KMT2B: variants seen among roughly 807,000 people sequenced by gnomAD.
The protein encoded by KMT2B is histone-lysine N-methyltransferase 2B.
Under a neutral mutation model 255.3 loss-of-function variants are expected in KMT2B, and 22 were observed. The ratio of observed to expected loss-of-function variants is 0.09; its 90% CI spans 0.06 to 0.12. The LOEUF is 0.12. Ranked by LOEUF, KMT2B falls within the 10% of genes least tolerant of loss-of-function variation. The pLI, the probability that KMT2B is intolerant of heterozygous loss-of-function variation, is 1.00. For synonymous variants in KMT2B, 1,730 were observed against 1,498.1 expected, an observed-to-expected ratio of 1.15 and a Z score of -3.57; for missense variants, 3,149 against 3,737.0, an observed-to-expected ratio of 0.84 and a Z score of 4.10.
At chr19:35,721,940 C>A in intron 3 of KMT2B, 136 bp downstream of exon 3, 1 of 1,222,018 alleles carries the variant, frequency 8.2e-7, no homozygotes, top group Non-Finnish European at 1.1e-6. Context: ...TGTGATCCCC[C>A]ACCTTCCTTT....
chr19:35,722,034 G>A (rs1045193822), intron 3 of KMT2B, among the ~76,000 whole-genome samples: 29 of 145,056 alleles, frequency 2.0e-4, no homozygotes, highest in African/African-American at 7.0e-4. Flanking sequence ...TTGAGACCGA[G>A]TCTCACTTTG....
At chr19:35,734,394 C>T (rs536648031) in intron 30 of KMT2B, among the ~76,000 whole-genome samples, 1 of 152,176 alleles carries the variant, frequency 6.6e-6, no homozygotes, top group African/African-American at 2.4e-5. Context: ...TGTCCAAGTC[C>T]AGAATTGAGA....
chr19:35,724,528 G>C (rs1969354075), intron 8 of KMT2B, 109 bp from the exon 9 acceptor site: 1 of 877,914 alleles, frequency 1.1e-6, no homozygotes, highest in Non-Finnish European at 1.8e-6. Flanking sequence ...CGTCCTGGCG[G>C]GTCTTGGTTA....
rs1599707648 is a variant in KMT2B, at chr19:35,738,715, A to C, written c.*158A>C. 1.3e-6 allele frequency: 1 copy of C among 766,284 alleles called. No individual in the cohort carries two copies. Among genetic ancestry groups the C allele is most frequent in the Non-Finnish European group, 2.0e-6 (1 of 488,144 alleles). 47.5% of individuals were successfully genotyped at this position (766,284 alleles called of 1,614,324 possible). ...TGCAGGTGACAAGGGCCCTGCCTCCACCCCTCCAGCCCATCCAGCAATCGC... is the reference window on the plus strand; with the variant it reads ...TGCAGGTGACAAGGGCCCTGCCTCCCCCCCTCCAGCCCATCCAGCAATCGC... On this transcript the variant is annotated 3_prime_UTR_variant, in exon 37 of 37. Transcript: ENST00000420124. The surrounding 1 kb of genome is among the most constrained non-coding windows in gnomAD (Gnocchi z 8.7).
Position 35,727,613 on chromosome 19 carries a change from C to G in KMT2B, c.4293C>G (p.Leu1431=), listed in dbSNP as rs753088021. ...LSSKVVGPLL[L]CTQCGPDGKQ... ...CCAAGGTGGTGGGCCCACTGCTGCT[C>G]TGCACCCAGGTCTGGAGGGCCCTGG... Residue 1431 remains leucine (L), a synonymous_variant, in exon 16 of 37, where the codon CTC becomes CTG. Transcript: ENST00000420124. The surrounding 1 kb of genome is among the most constrained non-coding windows in gnomAD (Gnocchi z 4.2). 2.1e-5 allele frequency: 33 copies of G among 1,608,456 alleles called. No individual in the cohort carries two copies. Among genetic ancestry groups the G allele is most frequent in the Non-Finnish European group, 1.8e-5 (21 of 1,177,842 alleles).
Position 35,720,731 on chromosome 19 carries a change from C to T in KMT2B, c.1384C>T (p.Pro462Ser). 2 of 1,473,590 alleles carry T rather than the reference C, an allele frequency of 1.4e-6. No homozygotes were observed. The highest frequency in any genetic ancestry group is 1.8e-6 in the Non-Finnish European group (2 of 1,112,340). 91.3% of individuals were successfully genotyped at this position (1,473,590 alleles called of 1,614,324 possible). A position where few individuals can be genotyped will look rare whatever the true frequency, so the allele number is the denominator to read the frequency against. ...EQEESPPPVV[P>S]ATCSRKRGRP... Reference sequence around the variant, plus strand: ...GGAGGAATCCCCTCCTCCTGTGGTCCCAGCTACGTGCTCCAGGAAGAGGGG... The same window carrying T: ...GGAGGAATCCCCTCCTCCTGTGGTCTCAGCTACGTGCTCCAGGAAGAGGGG... The change falls in exon 3 of 37, where the codon CCA (proline) becomes TCA (serine). Residue 462 changes from proline to serine, a missense_variant. Physicochemically the swap from Pro to Ser is moderately conservative, Grantham distance 74. This residue lies in a region of KMT2B where 1,188 missense variants were observed against 1,106.4 expected (regional missense o/e 1.07). Coordinates refer to ENST00000420124, the MANE Select transcript of KMT2B (RefSeq NM_014727.3).
In KMT2B at chr19:35,728,853, C is replaced by G. The variant is rs1250827332; in HGVS notation, c.4651C>G (p.Pro1551Ala). 8 of 1,613,936 alleles carry G rather than the reference C, an allele frequency of 5.0e-6. No homozygotes were observed. The highest frequency in any genetic ancestry group is 6.8e-6 in the Non-Finnish European group (8 of 1,179,846). Residue 1551 changes from proline to alanine, a missense_variant, in exon 20 of 37, where the codon CCA becomes GCA. By Grantham distance (27) the Pro-to-Ala change is conservative (BLOSUM62 -1). Coordinates refer to ENST00000420124, the MANE Select transcript of KMT2B (RefSeq NM_014727.3). Reference protein sequence around the residue: ...AQWRQQEPETPESGQPPGDPS... With the variant: ...AQWRQQEPETAESGQPPGDPS... Reference sequence around the variant, plus strand: ...GTGGAGACAGCAGGAACCAGAGACCCCAGAATCAGGGCAGCCTCCAGGGGA... The same window carrying G: ...GTGGAGACAGCAGGAACCAGAGACCGCAGAATCAGGGCAGCCTCCAGGGGA...
rs1316047928 is a variant in KMT2B, at chr19:35,723,833, C to T, written c.3160C>T (p.Pro1054Ser). ...ACGCCGGGGGGCGGGAGCTGGGGGG[C>T]CCCGGGAGGAGGTGGTGGCCCACCC... ...GPRRGAGAGG[P>S]REEVVAHPGP... Residue 1054 changes from proline (P) to serine (S), a missense_variant, in exon 8 of 37, where the codon CCC (proline) becomes TCC (serine). Physicochemically the swap from Pro to Ser is moderately conservative, Grantham distance 74. Transcript: ENST00000420124. The surrounding 1 kb of genome is among the most constrained non-coding windows in gnomAD (Gnocchi z 7.5). 4 of 1,596,550 alleles carry T rather than the reference C, an allele frequency of 2.5e-6. No individual in the cohort carries two copies. In the African/African-American group the frequency reaches 5.4e-5, roughly 21 times the overall value.
rs151310764 is a variant in KMT2B at position 35,724,946 on chromosome 19, G to A, written c.3430-43G>A. On this transcript the variant is annotated intron_variant, in intron 9 of 36. Coordinates refer to ENST00000420124, the MANE Select transcript of KMT2B (RefSeq NM_014727.3). ...CGGTGAGGAGAGGAGTCTGCATCAC[G>A]GCCAGGCTGGCAGCTCTGAATTCCC... is the stretch of plus-strand genomic sequence containing the variant. 1.1e-3 allele frequency: 1,533 copies of A among 1,411,346 alleles called. 15 individuals carry two copies. In the African/African-American group the frequency reaches 0.019, roughly 17 times the overall value. 87.4% of individuals were successfully genotyped at this position (1,411,346 alleles called of 1,614,324 possible).
Position 35,719,995 on chromosome 19 carries a change from C to G in KMT2B, c.648C>G (p.Pro216=), listed in dbSNP as rs778033141. Residue 216 remains proline (P), a synonymous_variant, in exon 3 of 37, where the codon CCC becomes CCG. Coordinates refer to ENST00000420124, the MANE Select transcript of KMT2B (RefSeq NM_014727.3). ...GCCGGGCATGTGAGCCCTCCACCCC[C>G]CGGCGGTCTCGGGGACGGCCCCCAG... The part of the protein sequence containing the change: ...PRSRACEPST[P]RRSRGRPPGR... 4 of 1,613,220 alleles carry G rather than the reference C, an allele frequency of 2.5e-6. No individual in the cohort carries two copies. The highest frequency in any genetic ancestry group is 2.2e-5 in the East Asian group (1 of 44,866).
chr19:35,719,990 A>G lies in KMT2B; in HGVS notation c.643A>G (p.Thr215Ala). Residue 215 changes from threonine to alanine, a missense_variant, in exon 3 of 37, where the codon ACC (threonine) becomes GCC (alanine). Physicochemically the swap from Thr to Ala is moderately conservative, Grantham distance 58. Around this residue, in one of 18 missense-constraint regions of KMT2B, gnomAD observed 1,188 missense variants for 1,106.4 expected, o/e 1.07. Transcript: ENST00000420124. ...CCGGAGCCGGGCATGTGAGCCCTCCACCCCCCGGCGGTCTCGGGGACGGCC... is the reference window on the plus strand; with the variant it reads ...CCGGAGCCGGGCATGTGAGCCCTCCGCCCCCCGGCGGTCTCGGGGACGGCC... ...APRSRACEPSTPRRSRGRPPG... is the reference protein window; with the variant it reads ...APRSRACEPSAPRRSRGRPPG... The G allele has an allele frequency of 6.2e-7, 1 of 1,611,276 alleles. No homozygotes were observed. The highest frequency in any genetic ancestry group is 8.5e-7 in the Non-Finnish European group (1 of 1,179,160).
At chr19:35,722,058 G>A (rs1334602095) in intron 3 of KMT2B, among the ~76,000 whole-genome samples, 1 of 149,532 alleles carries the variant, frequency 6.7e-6, no homozygotes, top group Non-Finnish European at 1.5e-5. Flanking sequence ...AGGCTGGAGT[G>A]CAGTGGCGTG....
rs1226556887 is a variant in KMT2B, at chr19:35,718,288, G to GCGGGGC, written c.276_281dup (p.Arg99_Gly100dup). 7.3e-6 allele frequency: 9 copies of GCGGGGC among 1,225,554 alleles called. No homozygotes were observed. In the African/African-American group the frequency reaches 1.3e-4, roughly 17 times the overall value. 75.9% of individuals were successfully genotyped at this position (1,225,554 alleles called of 1,614,324 possible). A position where few individuals can be genotyped will look rare whatever the true frequency, so the allele number is the denominator to read the frequency against. ...GCCTGTGGGCCGGCCCGCGGGTCCAGCGGGGCCGGGGACGGGGTCGGGGCC... is the reference window on the plus strand; with the variant it reads ...GCCTGTGGGCCGGCCCGCGGGTCCAGCGGGGCCGGGGCCGGGGACGGGGTCGGGGCC... On this transcript the variant is annotated inframe_insertion, in exon 1 of 37. Coordinates refer to ENST00000420124, the MANE Select transcript of KMT2B (RefSeq NM_014727.3). This position sits in a 1 kb window ranked among gnomAD's most constrained non-coding sequence, Gnocchi z 5.0.
Position 35,733,865 on chromosome 19 carries a change from C to A in KMT2B, c.7152C>A (p.His2384Gln). Residue 2384 changes from histidine to glutamine, a missense_variant, in exon 30 of 37, where the codon CAC (histidine) becomes CAA (glutamine). Physicochemically the swap from His to Gln is conservative, Grantham distance 24 (BLOSUM62 0). Transcript: ENST00000420124. This position sits in a 1 kb window ranked among gnomAD's most constrained non-coding sequence, Gnocchi z 4.3. ...PDLLLESQWH[H>Q]YSGEASSSEE... ...TGCTGCTTGAGTCCCAGTGGCACCACTATTCAGGTAGGGACCGGCCTTGCC... is the reference window on the plus strand; with the variant it reads ...TGCTGCTTGAGTCCCAGTGGCACCAATATTCAGGTAGGGACCGGCCTTGCC... 6.2e-7 allele frequency: 1 copy of A among 1,611,542 alleles called. No homozygotes were observed. The highest frequency in any genetic ancestry group is 8.5e-7 in the Non-Finnish European group (1 of 1,177,804).
rs1382339368 is a variant in KMT2B at position 35,729,383 on chromosome 19, C to G, written c.4917+87C>G. ...GCAAACAGCTCTTACTTCACATTCC[C>G]TACCTGGCATCCTTTCACTGCCAGG... On this transcript the variant is annotated intron_variant, in intron 22 of 36. Transcript: ENST00000420124. 3.4e-6 allele frequency: 5 copies of G among 1,487,816 alleles called. No individual in the cohort carries two copies. In the South Asian group the frequency reaches 4.9e-5, roughly 15 times the overall value. 92.2% of individuals were successfully genotyped at this position (1,487,816 alleles called of 1,614,324 possible). A position where few individuals can be genotyped will look rare whatever the true frequency, so the allele number is the denominator to read the frequency against.
chr19:35,718,011 G>C lies in KMT2B; in HGVS notation c.-8G>C. 1.0e-6 allele frequency: 1 copy of C among 985,674 alleles called. No homozygotes were observed. Among genetic ancestry groups the C allele is most frequent in the Non-Finnish European group, 1.2e-6 (1 of 831,006 alleles). The allele number at this position is 985,674 out of a possible 1,614,324, so 61.1% of individuals were successfully genotyped here. On this transcript the variant is annotated 5_prime_UTR_variant, in exon 1 of 37. Coordinates refer to ENST00000420124, the MANE Select transcript of KMT2B (RefSeq NM_014727.3). This position sits in a 1 kb window ranked among gnomAD's most constrained non-coding sequence, Gnocchi z 5.0. ...CCCCGCCTCCCCGGCCCCTCTCACG[G>C]TGCCAAGATGGCGGCGGCGGCGGGC...
chr19:35,729,783 G>A (rs1206264089), intron 22 of KMT2B, among the ~76,000 whole-genome samples, 184 bp from the exon 23 acceptor site: 1 of 152,246 alleles, frequency 6.6e-6, no homozygotes, highest in African/African-American at 2.4e-5. Context: ...TGTCATTCTT[G>A]CTTCAAAGAA....
chr19:35,725,808 G>A lies in KMT2B; in HGVS notation c.3875G>A (p.Arg1292Gln), dbSNP rs746771476. 30 of 1,575,788 alleles carry A rather than the reference G, an allele frequency of 1.9e-5. No individual in the cohort carries two copies. The highest frequency in any genetic ancestry group is 2.2e-5 in the Non-Finnish European group (26 of 1,161,340). Residue 1292 changes from arginine (R) to glutamine (Q), a missense_variant, in exon 13 of 37, where the codon CGG becomes CAG. Arg to Gln is a conservative substitution (Grantham distance 43, BLOSUM62 1). Coordinates refer to ENST00000420124, the MANE Select transcript of KMT2B (RefSeq NM_014727.3). The surrounding 1 kb of genome is among the most constrained non-coding windows in gnomAD (Gnocchi z 4.1). ...PSYPTRATRK[R>Q]RHWICSACVR... ...TATCCAACCCGGGCCACGCGCAAAC[G>A]GCGCCACTGGGTGAGAGATGAGGTT...
chr19:35,732,511 G>T lies in KMT2B; in HGVS notation c.5962G>T (p.Ala1988Ser). 6.2e-7 allele frequency: 1 copy of T among 1,613,940 alleles called. No individual in the cohort carries two copies. Among genetic ancestry groups the T allele is most frequent in the East Asian group, 2.2e-5 (1 of 44,878 alleles). ...EDMEVVSGLS[A>S]ADLDFAASLL... ...CATGGAGGTGGTGTCAGGACTGAGT[G>T]CTGCTGACCTGGACTTCGCGGCCAG... The change falls in exon 28 of 37, where the codon GCT (alanine) becomes TCT (serine). Residue 1988 changes from alanine to serine, a missense_variant. Physicochemically the swap from Ala to Ser is moderately conservative, Grantham distance 99 (BLOSUM62 1). Transcript: ENST00000420124.
Sources: allele counts gnomAD v4.1 joint callset (sites outside exome capture counted in the v4.1 genomes callset), GRCh38; gene constraint gnomAD v4.1.1; regional missense constraint gnomAD v4.1.1; non-coding constraint Gnocchi (gnomAD v3.1); transcripts MANE v1.5; gene names NCBI Gene and HGNC (gene_info 2026-07-23, HGNC 2026-07-21).